ESR2: variants seen among roughly 807,000 people sequenced by gnomAD.
ESR2 encodes estrogen receptor beta.
A neutral mutation model predicts 49.6 loss-of-function variants in ESR2; 36 were observed. That is an observed-to-expected ratio of 0.73 (90% CI 0.56 to 0.96). The LOEUF (loss-of-function observed/expected upper bound fraction) is 0.96, where lower values mean the gene tolerates loss of function less well. Ranked by LOEUF, ESR2 falls within the 40% of genes least tolerant of loss-of-function variation. The pLI, the probability that ESR2 is intolerant of heterozygous loss-of-function variation, is 0.00. For missense variants in ESR2, 714 were observed against 693.0 expected, an observed-to-expected ratio of 1.03 and a Z score of -0.34; for synonymous variants, 320 against 266.1, an observed-to-expected ratio of 1.20 and a Z score of -1.97.
chr14:64,267,704 A>G (rs965033883), intron 4 of ESR2, among the ~76,000 whole-genome samples: 22 of 150,126 alleles, frequency 1.5e-4, no homozygotes, highest in South Asian at 6.4e-4. Context: ...ATGAAACCCC[A>G]TCTCTACTAA....
chr14:64,249,902 GAAGTA>G (rs2075955781), intron 6 of ESR2, among the ~76,000 whole-genome samples: 1 of 152,150 alleles, frequency 6.6e-6, no homozygotes, highest in Admixed American at 6.5e-5. Context: ...ATAAATCCCT[GAAGTA>G]AATATATGAA....
chr14:64,304,299 CT>C (rs2077063184), intron 1 of ESR2, among the ~76,000 whole-genome samples: 1 of 152,088 alleles, frequency 6.6e-6, no homozygotes, highest in Non-Finnish European at 1.5e-5. Flanking sequence ...GAGCAAGACT[CT>C]TTTCATACAA....
intron 1 of ESR2, chr14:64,303,401 G>C (rs1434516519): frequency 3.1e-5 from 4 of 130,054 alleles, no homozygotes; most frequent in African/African-American, 1.2e-4. Flanking sequence ...TTTTTTTAAA[G>C]AGCTGGTTTA....
intron 6 of ESR2, among the ~76,000 whole-genome samples, chr14:64,252,536 T>G (rs2076010287): frequency 1.3e-5 from 2 of 152,142 alleles, no homozygotes. Flanking sequence ...AGAAAAAAGG[T>G]TTAACTGACT....
intron 1 of ESR2, among the ~76,000 whole-genome samples, chr14:64,328,180 C>A (rs1039243732): frequency 6.6e-6 from 1 of 152,126 alleles, no homozygotes; most frequent in African/African-American, 2.4e-5. Flanking sequence ...CGAGATCACG[C>A]CACTGCACTC....
chr14:64,325,528 G>A (rs902395040), intron 1 of ESR2, among the ~76,000 whole-genome samples: 1 of 152,092 alleles, frequency 6.6e-6, no homozygotes, highest in Non-Finnish European at 1.5e-5. Context: ...AAATGAAGGT[G>A]TTATTGTAAA....
chr14:64,334,046 C>T (rs1033755769), intron 1 of ESR2, among the ~76,000 whole-genome samples: 18 of 151,900 alleles, frequency 1.2e-4, no homozygotes, highest in African/African-American at 4.1e-4. Context: ...CTTGGAATAC[C>T]GTATTTTATT....
chr14:64,259,791 T>C (rs762535972), intron 5 of ESR2, among the ~76,000 whole-genome samples: 9 of 152,340 alleles, frequency 5.9e-5, no homozygotes, highest in Non-Finnish European at 1.0e-4. Flanking sequence ...GTACATAATA[T>C]TGATTCTCTA....
At position 64,284,786 on chromosome 14, in the gene ESR2, T is replaced by C. The variant is rs192595184; in HGVS notation, c.-90-1711A>G. On this transcript the variant is annotated intron_variant, in intron 1 of 8. Coordinates refer to ENST00000341099, the MANE Select transcript of ESR2 (RefSeq NM_001437.3). ...CTCATCAAGGCACATTGGCTTTTTT[T>C]CCCAATGCCTTTTTTCCACTGTCTT... Among the ~76,000 whole-genome samples the C allele has an allele frequency of 3.1e-3, 470 of 152,162 alleles. 2 individuals carry two copies. The highest frequency in any genetic ancestry group is 0.011 in the African/African-American group (449 of 41,514).
intron 7 of ESR2, among the ~76,000 whole-genome samples, chr14:64,242,799 AT>A (rs2075764630): frequency 6.6e-6 from 1 of 151,610 alleles, no homozygotes; most frequent in Non-Finnish European, 1.5e-5. Context: ...GTATTAGTCC[AT>A]TTTCACACTG....
At chr14:64,313,541 AAAAAG>A (rs2077209089) in intron 1 of ESR2, among the ~76,000 whole-genome samples, 1 of 150,692 alleles carries the variant, frequency 6.6e-6, no homozygotes, top group Non-Finnish European at 1.5e-5. Flanking sequence ...AAAAAAAAAA[AAAAAG>A]AAAAGAAAAG....
chr14:64,250,017 A>G (rs577878062), intron 6 of ESR2, among the ~76,000 whole-genome samples: 1 of 152,236 alleles, frequency 6.6e-6, no homozygotes, highest in Non-Finnish European at 1.5e-5. Flanking sequence ...ATTGTTTTCA[A>G]TCAAAACCAT....
intron 4 of ESR2, among the ~76,000 whole-genome samples, chr14:64,265,700 T>G (rs974249752): frequency 6.6e-6 from 1 of 152,220 alleles, no homozygotes; most frequent in Non-Finnish European, 1.5e-5. Context: ...TAATGAAGTT[T>G]CATCCATAAA....
chr14:64,244,834 T>C (rs553358680), intron 7 of ESR2, among the ~76,000 whole-genome samples: 40 of 152,326 alleles, frequency 2.6e-4, no homozygotes, highest in Admixed American at 7.8e-4. Flanking sequence ...CTATCCATCC[T>C]ATTGGTTCTG....
intron 1 of ESR2, among the ~76,000 whole-genome samples, chr14:64,328,184 TG>T (rs1264824485): frequency 1.3e-5 from 2 of 152,042 alleles, no homozygotes; most frequent in African/African-American, 4.8e-5. Context: ...ATCACGCCAC[TG>T]CACTCCAGCT....
intron 7 of ESR2, among the ~76,000 whole-genome samples, chr14:64,236,739 G>C (rs886872120): frequency 6.6e-6 from 1 of 151,796 alleles, no homozygotes; most frequent in East Asian, 1.9e-4. Context: ...TTCCAACCTG[G>C]TCAGAAATTC....
chr14:64,270,418 T>C (rs570324476), intron 3 of ESR2, among the ~76,000 whole-genome samples: 1 of 152,350 alleles, frequency 6.6e-6, no homozygotes, highest in Admixed American at 6.5e-5. Flanking sequence ...ATTTCATTGT[T>C]TGAGCGCTGG....
At chr14:64,328,448 A>C (rs2140903676) in intron 1 of ESR2, among the ~76,000 whole-genome samples, 1 of 152,272 alleles carries the variant, frequency 6.6e-6, no homozygotes, top group East Asian at 1.9e-4. Flanking sequence ...TAATGAAAAC[A>C]GCTGTTCAGT....
intron 1 of ESR2, among the ~76,000 whole-genome samples, chr14:64,320,288 G>A (rs1025011939): frequency 6.6e-5 from 10 of 152,050 alleles, no homozygotes; most frequent in Non-Finnish European, 1.3e-4. Context: ...AGATCAAGCC[G>A]GGCATGGTGG....
Sources: gnomAD v4.1 joint callset for allele counts (sites outside exome capture counted in the v4.1 genomes callset) on GRCh38, gnomAD v4.1.1 for gene constraint, MANE v1.5 for transcripts, NCBI Gene and HGNC (gene_info 2026-07-23, HGNC 2026-07-21) for gene names.